The following ATP13A5 variants were observed in gnomAD, a reference collection of about 807,000 sequenced individuals.
ATP13A5 encodes the protein ATPase 13A5, also known as probable cation-transporting ATPase 13A5.
A neutral mutation model predicts 150.2 loss-of-function variants in ATP13A5; 149 were observed. The ratio of observed to expected loss-of-function variants is 0.99; its 90% CI spans 0.87 to 1.14. The LOEUF (loss-of-function observed/expected upper bound fraction) is 1.14, where lower values mean the gene tolerates loss of function less well. Ranked by LOEUF, ATP13A5 falls within the 50% of genes most tolerant of loss-of-function variation. The pLI, the probability that ATP13A5 is intolerant of heterozygous loss-of-function variation, is 0.00. For missense variants in ATP13A5, 1,383 were observed against 1,449.3 expected (o/e 0.95, Z 0.74); for synonymous variants, 497 against 522.2 (o/e 0.95, Z 0.66).
At chr3:193,278,626 C>G (rs1717335905) in intron 28 of ATP13A5, among the ~76,000 whole-genome samples, 1 of 152,164 alleles carries the variant, frequency 6.6e-6, no homozygotes, top group African/African-American at 2.4e-5. Flanking sequence ...AAAATGTGGC[C>G]TATTCTTTTG....
At chr3:193,287,963 T>C (rs1717786659) in intron 26 of ATP13A5, among the ~76,000 whole-genome samples, 1 of 152,144 alleles carries the variant, frequency 6.6e-6, no homozygotes, top group African/African-American at 2.4e-5. Flanking sequence ...CTTGAATGAC[T>C]TTTTGGGGTT....
At chr3:193,355,935 T>C (rs1054782235) in intron 5 of ATP13A5, among the ~76,000 whole-genome samples, 1 of 152,068 alleles carries the variant, frequency 6.6e-6, no homozygotes, top group Non-Finnish European at 1.5e-5. Flanking sequence ...CAATCAAGCT[T>C]AATGGTTGAG....
chr3:193,378,193 G>C (rs959510552), intron 1 of ATP13A5, among the ~76,000 whole-genome samples: 3 of 152,074 alleles, frequency 2.0e-5, no homozygotes, highest in Non-Finnish European at 4.4e-5. Context: ...TCCTTCTTTA[G>C]TAATTGATGC....
At chr3:193,285,159 T>G in intron 26 of ATP13A5, 43 bp from the exon 27 acceptor site, 1 of 1,543,564 alleles carries the variant, frequency 6.5e-7, no homozygotes, top group Non-Finnish European at 8.9e-7. Context: ...TTGATTCCAT[T>G]TTTGTCCATT....
intron 21 of ATP13A5, among the ~76,000 whole-genome samples, chr3:193,309,707 C>T (rs113312207): frequency 0.011 from 1,658 of 152,214 alleles, 33 homozygotes; most frequent in African/African-American, 0.037. Flanking sequence ...TGCAATGGCC[C>T]CTGTCACAAG....
intron 27 of ATP13A5, among the ~76,000 whole-genome samples, chr3:193,280,929 G>A (rs944645106): frequency 6.6e-6 from 1 of 152,072 alleles, no homozygotes; most frequent in African/African-American, 2.4e-5. Flanking sequence ...GAAATCTGAG[G>A]CAACTGCCCC....
chr3:193,372,144 A>G (rs1713464840), intron 1 of ATP13A5: 1 of 159,232 alleles, frequency 6.3e-6, no homozygotes, highest in African/African-American at 2.4e-5. Context: ...TAGAAATACA[A>G]AAATTAGCTG....
rs1449393762 is a variant in ATP13A5, at chr3:193,353,315, C to T, written c.606+812G>A. Among the ~76,000 whole-genome samples the T allele has an allele frequency of 1.4e-4, 3 of 20,926 alleles. 1 individual carries two copies. Among genetic ancestry groups the T allele is most frequent in the South Asian group, 4.3e-3 (2 of 460 alleles). The allele number at this position is 20,926 out of a possible 152,430, so 13.7% of individuals were successfully genotyped here. On this transcript the variant is annotated intron_variant, in intron 6 of 29. Transcript: ENST00000342358. ...GGGAAAGTGTCCCACTTAAGGTAAG[C>T]ATTAAAAAAAAAAATCCAAGCACAC...
At chr3:193,303,900 TACACAC>T (rs199888384) in intron 23 of ATP13A5, among the ~76,000 whole-genome samples, 2 of 145,608 alleles carry the variant, frequency 1.4e-5, no homozygotes, top group African/African-American at 5.2e-5. Context: ...TACATACACA[TACACAC>T]ACACACACAC....
intron 25 of ATP13A5, among the ~76,000 whole-genome samples, chr3:193,292,073 G>A (rs890757679): frequency 6.6e-6 from 1 of 152,040 alleles, no homozygotes; most frequent in African/African-American, 2.4e-5. Flanking sequence ...GGGCATTCTT[G>A]TGGAGGCTTT....
chr3:193,280,977 T>C (rs931701906), intron 27 of ATP13A5, among the ~76,000 whole-genome samples: 4 of 152,214 alleles, frequency 2.6e-5, no homozygotes, highest in African/African-American at 9.6e-5. Context: ...AACAGAGTTC[T>C]GTTTTCATCC....
chr3:193,331,361 G>A, intron 11 of ATP13A5, 50 bp from the exon 12 acceptor site: 1 of 1,531,562 alleles, frequency 6.5e-7, no homozygotes, highest in Admixed American at 1.9e-5. Flanking sequence ...ACAGCAGACT[G>A]CCACCCTTCC....
chr3:193,307,079 A>G, intron 22 of ATP13A5: 7 of 983,642 alleles, frequency 7.1e-6, no homozygotes, highest in Non-Finnish European at 8.5e-6. Context: ...GGAACCTGAA[A>G]TATGGGAGTC....
chr3:193,276,260 A>T (rs1717194792), intron 29 of ATP13A5, among the ~76,000 whole-genome samples: 1 of 152,214 alleles, frequency 6.6e-6, no homozygotes, highest in Non-Finnish European at 1.5e-5. Flanking sequence ...CCTCTTACTA[A>T]GTGGGTAAAG....
In ATP13A5 at chr3:193,324,977, C is replaced by G. The variant is rs1429423838; in HGVS notation, c.1561G>C (p.Val521Leu). 6.2e-7 allele frequency: 1 copy of G among 1,613,826 alleles called. No individual in the cohort carries two copies. Among genetic ancestry groups the G allele is most frequent in the Admixed American group, 1.7e-5 (1 of 59,990 alleles). Residue 521 changes from valine (V) to leucine (L), a missense_variant, in exon 14 of 30, where the codon GTG becomes CTG. Physicochemically the swap from Val to Leu is conservative, Grantham distance 32 (BLOSUM62 1). This residue lies in a region of ATP13A5 where 787 missense variants were observed against 771.9 expected (regional missense o/e 1.02). Coordinates refer to ENST00000342358, the MANE Select transcript of ATP13A5 (RefSeq NM_198505.4). ...EAHSFASGQA[V>L]PWSPLCAAMA... The stretch of plus-strand genomic sequence containing the variant: ...GCCGCACACAGTGGGCTCCATGGCA[C>G]AGCCTGGCCTGAGGCAAAGCTGTGG...
chr3:193,325,389 C>A (rs953309395), intron 13 of ATP13A5, among the ~76,000 whole-genome samples: 8 of 152,204 alleles, frequency 5.3e-5, no homozygotes, highest in Non-Finnish European at 1.2e-4. Flanking sequence ...ATAAACATTT[C>A]TTTGAGTTGG....
intron 11 of ATP13A5, among the ~76,000 whole-genome samples, chr3:193,332,757 G>T (rs976765774): frequency 1.3e-5 from 2 of 152,120 alleles, no homozygotes; most frequent in African/African-American, 4.8e-5. Flanking sequence ...AGAGCCACAG[G>T]TTCTGACCCA....
chr3:193,353,753 G>A (rs184033521), intron 6 of ATP13A5, among the ~76,000 whole-genome samples: 5 of 152,296 alleles, frequency 3.3e-5, no homozygotes, highest in African/African-American at 9.6e-5. Context: ...GAATATGCAA[G>A]CACCTTGATC....
intron 9 of ATP13A5, among the ~76,000 whole-genome samples, chr3:193,340,702 T>C (rs1232091785): frequency 6.6e-6 from 1 of 152,224 alleles, no homozygotes; most frequent in African/African-American, 2.4e-5. Flanking sequence ...GCCTAGGTTC[T>C]GGGGACAAAA....
Sources: allele counts gnomAD v4.1 joint callset (sites outside exome capture counted in the v4.1 genomes callset), GRCh38; gene constraint gnomAD v4.1.1; regional missense constraint gnomAD v4.1.1; transcripts MANE v1.5; gene names NCBI Gene and HGNC (gene_info 2026-07-23, HGNC 2026-07-21).